PTPN4: variants seen among roughly 807,000 people sequenced by gnomAD.
PTPN4 encodes the protein tyrosine-protein phosphatase non-receptor type 4.
A neutral mutation model predicts 135.5 loss-of-function variants in PTPN4; 49 were observed. That is an observed-to-expected ratio of 0.36 (90% CI 0.29 to 0.46). PTPN4 has a LOEUF of 0.46. PTPN4 is among the 20% of genes least tolerant of loss of function. The pLI is 1.00. For missense variants in PTPN4, 860 were observed against 1,101.0 expected, an observed-to-expected ratio of 0.78 and a Z score of 3.10; for synonymous variants, 333 against 369.9, an observed-to-expected ratio of 0.90 and a Z score of 1.14.
intron 24 of PTPN4, among the ~76,000 whole-genome samples, chr2:119,964,456 A>G (rs1461708697): frequency 6.6e-6 from 1 of 152,176 alleles, no homozygotes; most frequent in African/African-American, 2.4e-5. Flanking sequence ...TTTTTAATAT[A>G]CATTTATCTT....
intron 5 of PTPN4, among the ~76,000 whole-genome samples, chr2:119,879,235 T>A (rs1447110036): frequency 6.6e-6 from 1 of 152,238 alleles, no homozygotes; most frequent in African/African-American, 2.4e-5. Flanking sequence ...AATTTCTGAA[T>A]GGAGGTAGAA....
chr2:119,798,899 G>A (rs1691311075), intron 1 of PTPN4, among the ~76,000 whole-genome samples: 1 of 152,172 alleles, frequency 6.6e-6, no homozygotes, highest in Admixed American at 6.5e-5. Context: ...AGAAAAGCAG[G>A]CTGGGAGGAG....
chr2:119,765,261 A>C (rs912667838), intron 1 of PTPN4, among the ~76,000 whole-genome samples: 9 of 152,244 alleles, frequency 5.9e-5, no homozygotes, highest in African/African-American at 2.2e-4. Flanking sequence ...TTAGCTACCC[A>C]AAGCCACCAA....
intron 2 of PTPN4, among the ~76,000 whole-genome samples, chr2:119,845,494 A>T (rs1239005465): frequency 6.6e-6 from 1 of 152,110 alleles, no homozygotes; most frequent in East Asian, 1.9e-4. Context: ...CATCTACATT[A>T]TCTATCGGCA....
chr2:119,938,806 G>A (rs767076100), intron 15 of PTPN4, among the ~76,000 whole-genome samples: 1 of 152,026 alleles, frequency 6.6e-6, no homozygotes, highest in African/African-American at 2.4e-5. Context: ...TTATAAATTG[G>A]CTTCTGAGAA....
intron 10 of PTPN4, among the ~76,000 whole-genome samples, chr2:119,913,888 T>C (rs182252543): frequency 2.5e-4 from 38 of 152,336 alleles, no homozygotes; most frequent in African/African-American, 8.4e-4. Flanking sequence ...ATATTACTGC[T>C]ATATAAAATA....
chr2:119,967,341 C>T (rs576707398), intron 25 of PTPN4, among the ~76,000 whole-genome samples: 2 of 151,758 alleles, frequency 1.3e-5, no homozygotes, highest in African/African-American at 2.4e-5. Flanking sequence ...CCCAGCTACT[C>T]GAGAGGCTGA....
chr2:119,835,058 C>G (rs1677271727), intron 2 of PTPN4, among the ~76,000 whole-genome samples: 1 of 152,118 alleles, frequency 6.6e-6, no homozygotes. Flanking sequence ...TGTTTGGTTT[C>G]CCTTCTTCCT....
chr2:119,796,091 G>A (rs1475519994), intron 1 of PTPN4, among the ~76,000 whole-genome samples: 2 of 152,198 alleles, frequency 1.3e-5, no homozygotes, highest in African/African-American at 4.8e-5. Flanking sequence ...GGCCATGCGA[G>A]GGCAGGGGTG....
At chr2:119,829,056 T>C (rs1031824577) in intron 2 of PTPN4, among the ~76,000 whole-genome samples, 2 of 152,220 alleles carry the variant, frequency 1.3e-5, no homozygotes, top group Non-Finnish European at 2.9e-5. Context: ...TTTGGGTTTT[T>C]CTTCCCATAT....
chr2:119,811,069 G>A (rs973198856), intron 2 of PTPN4, among the ~76,000 whole-genome samples: 1 of 151,836 alleles, frequency 6.6e-6, no homozygotes, highest in African/African-American at 2.4e-5. Context: ...ATCTTACACC[G>A]GGGCCAGTCG....
chr2:119,863,446 T>C (rs1677789276), intron 3 of PTPN4, among the ~76,000 whole-genome samples: 1 of 152,146 alleles, frequency 6.6e-6, no homozygotes, highest in African/African-American at 2.4e-5. Flanking sequence ...TGTATACTTT[T>C]AGAAAGATTA....
intron 1 of PTPN4, among the ~76,000 whole-genome samples, chr2:119,796,126 A>G (rs1691254300): frequency 2.7e-5 from 2 of 73,308 alleles, no homozygotes; most frequent in African/African-American, 1.1e-4. Flanking sequence ...TCAGGGATGC[A>G]GGACACAAGG....
intron 11 of PTPN4, among the ~76,000 whole-genome samples, chr2:119,918,048 G>A (rs1313120119): frequency 2.0e-5 from 3 of 152,186 alleles, no homozygotes; most frequent in Non-Finnish European, 4.4e-5. Context: ...CATCATAGTA[G>A]CTGAGACATT....
intron 2 of PTPN4, among the ~76,000 whole-genome samples, chr2:119,810,427 T>C (rs1691556693): frequency 6.6e-6 from 1 of 152,216 alleles, no homozygotes; most frequent in Admixed American, 6.5e-5. Context: ...TATTTGTTCA[T>C]CCTATTTGTG....
At chr2:119,976,626 G>A (rs1679621776) in intron 26 of PTPN4, among the ~76,000 whole-genome samples, 1 of 152,164 alleles carries the variant, frequency 6.6e-6, no homozygotes, top group Non-Finnish European at 1.5e-5. Flanking sequence ...TTGTGAATAT[G>A]TGTTTTCAGT....
chr2:119,981,061 T>A lies in PTPN4; in HGVS notation c.*3991T>A, dbSNP rs1471769560. 1 of 152,086 alleles carries A rather than the reference T, an allele frequency of 6.6e-6. No individual in the cohort carries two copies. The highest frequency in any genetic ancestry group is 2.4e-5 in the African/African-American group (1 of 41,456). 9.4% of individuals were successfully genotyped at this position (152,086 alleles called of 1,614,324 possible). ...TGTATTTTGAACATTTAAAATACTC[T>A]GATGGTAAGGTTGCCAAAGTAATTT... On this transcript the variant is annotated 3_prime_UTR_variant, in exon 27 of 27. Transcript: ENST00000263708.
chr2:119,966,290 A>T (rs1679444784), intron 25 of PTPN4, among the ~76,000 whole-genome samples: 1 of 151,962 alleles, frequency 6.6e-6, no homozygotes, highest in African/African-American at 2.4e-5. Flanking sequence ...TCGGAGTCTC[A>T]TACTGTCACA....
At chr2:119,768,422 T>G (rs1690672578) in intron 1 of PTPN4, among the ~76,000 whole-genome samples, 1 of 152,240 alleles carries the variant, frequency 6.6e-6, no homozygotes, top group Non-Finnish European at 1.5e-5. Context: ...TCATTTCTGC[T>G]GGCATGTCAT....
Sources: gnomAD v4.1 joint callset for allele counts (sites outside exome capture counted in the v4.1 genomes callset) on GRCh38, gnomAD v4.1.1 for gene constraint, MANE v1.5 for transcripts, NCBI Gene and HGNC (gene_info 2026-07-23, HGNC 2026-07-21) for gene names.